PLD5: variants seen among roughly 807,000 people sequenced by gnomAD.
The protein encoded by PLD5 is phospholipase D family member 5, also known as inactive phospholipase D5.
In PLD5, 36 loss-of-function variants were observed where a neutral mutation model predicts 61.1. The observed-to-expected ratio is 0.59, with a 90% confidence interval of 0.45 to 0.78. PLD5 has a LOEUF of 0.78. Among genes scored for constraint, PLD5 ranks in the 30% least tolerant of loss-of-function variants. PLD5 has a pLI of 0.00. For missense variants in PLD5, 515 were observed against 644.4 expected (o/e 0.80, Z 2.17); for synonymous variants, 243 against 242.8 (o/e 1.00, Z -0.01).
In PLD5 at chr1:242,085,470, G is replaced by T. The variant is rs1030997724; in HGVS notation, c.*4384C>A. The T allele has an allele frequency of 6.6e-6, 1 of 152,192 alleles. No homozygotes were observed. The highest frequency in any genetic ancestry group is 1.5e-5 in the Non-Finnish European group (1 of 68,044). 9.4% of individuals were successfully genotyped at this position (152,192 alleles called of 1,614,324 possible). Reference sequence around the variant, plus strand: ...GCTGCGAACTGGGGTTGATGTCAGGGCTATTCAAAAGCCTCCGTCCATTTA... The same window carrying T: ...GCTGCGAACTGGGGTTGATGTCAGGTCTATTCAAAAGCCTCCGTCCATTTA... On this transcript the variant is annotated 3_prime_UTR_variant, in exon 10 of 10. Transcript: ENST00000536534.
intron 2 of PLD5, among the ~76,000 whole-genome samples, chr1:242,294,901 C>G (rs529736487): frequency 3.3e-5 from 5 of 152,204 alleles, no homozygotes; most frequent in Admixed American, 6.5e-5. Context: ...GGTGCCTACA[C>G]GACATTTTCA....
At chr1:242,141,191 C>T (rs1664137277) in intron 5 of PLD5, among the ~76,000 whole-genome samples, 1 of 152,156 alleles carries the variant, frequency 6.6e-6, no homozygotes, top group African/African-American at 2.4e-5. Flanking sequence ...GCAACACAGC[C>T]TAAGTTCTCC....
intron 8 of PLD5, among the ~76,000 whole-genome samples, chr1:242,101,850 A>AT (rs1407537916): frequency 1.3e-5 from 2 of 152,256 alleles, no homozygotes; most frequent in East Asian, 1.9e-4. Flanking sequence ...TTCTATTTTG[A>AT]TTTTTTGTAA....
intron 3 of PLD5, among the ~76,000 whole-genome samples, chr1:242,268,802 G>A (rs1673871076): frequency 1.3e-5 from 2 of 152,132 alleles, no homozygotes; most frequent in Non-Finnish European, 2.9e-5. Context: ...GAGATCTGCA[G>A]TAAGGCCTCC....
chr1:242,167,112 T>TAAA (rs1212240806), intron 5 of PLD5, among the ~76,000 whole-genome samples: 37 of 131,358 alleles, frequency 2.8e-4, no homozygotes, highest in Non-Finnish European at 4.4e-4. Context: ...ATAATAATAA[T>TAAA]AATAAATAGT....
chr1:242,368,951 G>A lies in PLD5; in HGVS notation c.190-20709C>T, dbSNP rs139082450. 2.2e-4 allele frequency among the ~76,000 whole-genome samples: 33 copies of A among 152,240 alleles called. No individual in the cohort carries two copies. The East Asian group carries it at 5.4e-3, about 25-fold the overall frequency. ...CTAAAATAATTTCTTTCTATCTCCT[G>A]TGTCACCACCGTTTGCTCAAATAAA... On this transcript the variant is annotated intron_variant, in intron 1 of 9. Coordinates refer to ENST00000536534, the MANE Select transcript of PLD5 (RefSeq NM_001372062.1).
intron 1 of PLD5, among the ~76,000 whole-genome samples, chr1:242,522,645 T>C (rs1349006898): frequency 6.6e-6 from 1 of 152,184 alleles, no homozygotes; most frequent in Non-Finnish European, 1.5e-5. Flanking sequence ...AGCCACATCA[T>C]TGGTTGATTA....
chr1:242,198,577 C>T (rs1668786522), intron 5 of PLD5, among the ~76,000 whole-genome samples: 1 of 151,768 alleles, frequency 6.6e-6, no homozygotes, highest in South Asian at 2.1e-4. Context: ...GGACTCTCCC[C>T]AGACCTGTGC....
At chr1:242,204,229 C>T (rs1032637132) in intron 5 of PLD5, among the ~76,000 whole-genome samples, 5 of 149,790 alleles carry the variant, frequency 3.3e-5, no homozygotes, top group South Asian at 2.1e-4. Flanking sequence ...GGCGACAGAG[C>T]GAGACTCTTG....
At chr1:242,174,954 T>G (rs1210611190) in intron 5 of PLD5, among the ~76,000 whole-genome samples, 2 of 152,116 alleles carry the variant, frequency 1.3e-5, no homozygotes, top group Non-Finnish European at 2.9e-5. Context: ...TGATGAGTTA[T>G]TGGGTGCAGC....
chr1:242,264,103 C>G (rs1175319427), intron 4 of PLD5, among the ~76,000 whole-genome samples: 1 of 150,928 alleles, frequency 6.6e-6, no homozygotes, highest in Non-Finnish European at 1.5e-5. Flanking sequence ...CAAAAGTAAT[C>G]AATTCCTCAG....
Position 242,162,203 on chromosome 1 carries a change from C to T in PLD5, c.736-37538G>A, listed in dbSNP as rs369367459. Among the ~76,000 whole-genome samples the T allele has an allele frequency of 1.3e-4, 20 of 152,124 alleles. No individual in the cohort carries two copies. In the South Asian group the frequency reaches 2.9e-3, roughly 22 times the overall value. Reference sequence around the variant, plus strand: ...ATGTCAAAAGATTGACATCACAGAACGAAAGAACCAGGAACACTGGAAGCA... The same window carrying T: ...ATGTCAAAAGATTGACATCACAGAATGAAAGAACCAGGAACACTGGAAGCA... On this transcript the variant is annotated intron_variant, in intron 5 of 9. Coordinates refer to ENST00000536534, the MANE Select transcript of PLD5 (RefSeq NM_001372062.1).
intron 1 of PLD5, among the ~76,000 whole-genome samples, chr1:242,478,689 T>C (rs1357452426): frequency 6.6e-6 from 1 of 152,192 alleles, no homozygotes; most frequent in African/African-American, 2.4e-5. Flanking sequence ...TCTTTGATAT[T>C]CCCTGGACTG....
At chr1:242,313,607 T>C (rs4658472) in intron 2 of PLD5, among the ~76,000 whole-genome samples, 99,716 of 152,060 alleles carry the variant, frequency 0.66, 34,923 homozygotes, top group Non-Finnish European at 0.77. Flanking sequence ...TTTTTCTCTC[T>C]TTGAAGCTAT....
chr1:242,120,667 C>T (rs1388137826), intron 6 of PLD5, among the ~76,000 whole-genome samples: 1 of 152,100 alleles, frequency 6.6e-6, no homozygotes, highest in Non-Finnish European at 1.5e-5. Flanking sequence ...GAACAATAAA[C>T]AAGAAATGAA....
intron 4 of PLD5, among the ~76,000 whole-genome samples, chr1:242,259,901 G>T (rs1673284097): frequency 6.6e-6 from 1 of 151,998 alleles, no homozygotes; most frequent in African/African-American, 2.4e-5. Flanking sequence ...ATCCTTGAGG[G>T]ATATTTTGCT....
chr1:242,137,694 A>G (rs1663850826), intron 5 of PLD5, among the ~76,000 whole-genome samples: 1 of 152,174 alleles, frequency 6.6e-6, no homozygotes, highest in African/African-American at 2.4e-5. Flanking sequence ...CAGCAGGGCA[A>G]TAGGATCCCA....
At chr1:242,482,986 T>C (rs900871375) in intron 1 of PLD5, among the ~76,000 whole-genome samples, 17 of 152,152 alleles carry the variant, frequency 1.1e-4, no homozygotes, top group Non-Finnish European at 2.1e-4. Flanking sequence ...AGAAATAAAA[T>C]ACTTTACAGA....
intron 1 of PLD5, among the ~76,000 whole-genome samples, chr1:242,482,297 T>G (rs972074139): frequency 6.6e-6 from 1 of 152,154 alleles, no homozygotes; most frequent in African/African-American, 2.4e-5. Context: ...GGCAAAGAAG[T>G]TAAAAACCTT....
Sources: gnomAD v4.1 joint callset for allele counts (sites outside exome capture counted in the v4.1 genomes callset) on GRCh38, gnomAD v4.1.1 for gene constraint, MANE v1.5 for transcripts, NCBI Gene and HGNC (gene_info 2026-07-23, HGNC 2026-07-21) for gene names.